The following KCNIP4 variants were observed in gnomAD, a reference collection of about 807,000 sequenced individuals.
The protein encoded by KCNIP4 is Kv channel-interacting protein 4.
Under a neutral mutation model 34.0 loss-of-function variants are expected in KCNIP4, and 12 were observed. The ratio of observed to expected loss-of-function variants is 0.35; its 90% CI spans 0.23 to 0.57. KCNIP4 has a LOEUF of 0.57. Among genes scored for constraint, KCNIP4 ranks in the 20% least tolerant of loss-of-function variants. KCNIP4 has a pLI of 0.83. For synonymous variants in KCNIP4, 124 were observed against 102.2 expected (o/e 1.21, Z -1.29); for missense variants, 238 against 311.7 (o/e 0.76, Z 1.78).
Position 20,850,787 on chromosome 4 carries a change from G to A in KCNIP4, c.164-120C>T, listed in dbSNP as rs79287487. 6.2e-3 allele frequency: 7,466 copies of A among 1,195,364 alleles called. 503 individuals carry two copies. The East Asian group carries it at 0.15, about 25-fold the overall frequency. The allele number at this position is 1,195,364 out of a possible 1,614,324, so 74.0% of individuals were successfully genotyped here. On this transcript the variant is annotated intron_variant, in intron 2 of 8. Coordinates refer to ENST00000382152, the MANE Select transcript of KCNIP4 (RefSeq NM_025221.6). Reference sequence around the variant, plus strand: ...ATGTCTGTGACTGTCCACAGAGGAAGGACCCTCACAATGCCTATAAGGCCT... The same window carrying A: ...ATGTCTGTGACTGTCCACAGAGGAAAGACCCTCACAATGCCTATAAGGCCT...
At chr4:21,184,602 C>T (rs1358480924) in intron 1 of KCNIP4, among the ~76,000 whole-genome samples, 3 of 152,264 alleles carry the variant, frequency 2.0e-5, no homozygotes, top group South Asian at 4.1e-4. Flanking sequence ...ATAGGTTTGG[C>T]ACTTTTGTGT....
intron 1 of KCNIP4, among the ~76,000 whole-genome samples, chr4:21,421,186 G>A (rs1725422922): frequency 6.6e-6 from 1 of 152,128 alleles, no homozygotes; most frequent in Admixed American, 6.5e-5. Flanking sequence ...CACTGTTGGT[G>A]GGAATGTAAA....
chr4:21,425,649 A>G (rs1322121467), intron 1 of KCNIP4, among the ~76,000 whole-genome samples: 1 of 152,196 alleles, frequency 6.6e-6, no homozygotes, highest in Non-Finnish European at 1.5e-5. Flanking sequence ...AACCTTTACT[A>G]TAATTCTTTC....
intron 1 of KCNIP4, among the ~76,000 whole-genome samples, chr4:21,774,148 C>T (rs895019520): frequency 2.0e-5 from 3 of 152,052 alleles, no homozygotes; most frequent in Non-Finnish European, 2.9e-5. Context: ...TAAAATCCCT[C>T]AGCATTTGCT....
At chr4:20,905,126 G>A (rs1367476327) in intron 1 of KCNIP4, among the ~76,000 whole-genome samples, 1 of 152,164 alleles carries the variant, frequency 6.6e-6, no homozygotes, top group Non-Finnish European at 1.5e-5. Context: ...CCACAGACCA[G>A]GTGGCTTAAA....
chr4:21,822,789 C>A (rs1289498715), intron 1 of KCNIP4, among the ~76,000 whole-genome samples: 2 of 147,406 alleles, frequency 1.4e-5, no homozygotes, highest in African/African-American at 2.5e-5. Flanking sequence ...GCAATCTTGG[C>A]TCACTGCAAC....
intron 1 of KCNIP4, among the ~76,000 whole-genome samples, chr4:21,867,836 G>A (rs980736796): frequency 1.3e-5 from 2 of 152,136 alleles, no homozygotes; most frequent in Admixed American, 1.3e-4. Context: ...TTTCATCACA[G>A]TGAGCCAATA....
chr4:20,803,542 A>G (rs1714636946), intron 3 of KCNIP4, among the ~76,000 whole-genome samples: 1 of 147,144 alleles, frequency 6.8e-6, no homozygotes, highest in Non-Finnish European at 1.5e-5. Flanking sequence ...CTGTAGTCCC[A>G]GCTACTTGGG....
intron 1 of KCNIP4, among the ~76,000 whole-genome samples, chr4:21,293,045 T>C (rs1560261387): frequency 6.6e-6 from 1 of 152,210 alleles, no homozygotes; most frequent in Admixed American, 6.5e-5. Context: ...TTTAGGGTGA[T>C]ACTCGACATC....
chr4:21,006,459 T>C (rs62293769), intron 1 of KCNIP4, among the ~76,000 whole-genome samples: 9,407 of 152,272 alleles, frequency 0.062, 375 homozygotes, highest in East Asian at 0.18. Flanking sequence ...AGAAACTTGC[T>C]TTTGACCAAC....
chr4:21,722,540 C>T (rs1466787164), intron 1 of KCNIP4, among the ~76,000 whole-genome samples: 1 of 149,388 alleles, frequency 6.7e-6, no homozygotes, highest in Non-Finnish European at 1.5e-5. Context: ...TTTTCCTCAG[C>T]CAAAAGTTTT....
Position 21,263,937 on chromosome 4 carries a change from G to A in KCNIP4, c.62-381228C>T, listed in dbSNP as rs139492381. On this transcript the variant is annotated intron_variant, in intron 1 of 8. Coordinates refer to ENST00000382152, the MANE Select transcript of KCNIP4 (RefSeq NM_025221.6). The stretch of plus-strand genomic sequence containing the variant: ...CCCAAAGTGCTGGGATTACAGGTGT[G>A]AGCCACCATGCCCAGCCCAATATAT... Among the ~76,000 whole-genome samples, 27 of 152,208 alleles carry A rather than the reference G, an allele frequency of 1.8e-4. No individual in the cohort carries two copies. In the East Asian group the frequency reaches 4.6e-3, roughly 26 times the overall value.
At chr4:20,759,336 C>T (rs1754754234) in intron 3 of KCNIP4, among the ~76,000 whole-genome samples, 1 of 152,162 alleles carries the variant, frequency 6.6e-6, no homozygotes, top group South Asian at 2.1e-4. Context: ...TCTAGTGGCT[C>T]AAGAAGCTTC....
At chr4:21,387,590 G>A (rs141237049) in intron 1 of KCNIP4, among the ~76,000 whole-genome samples, 97 of 152,122 alleles carry the variant, frequency 6.4e-4, no homozygotes, top group Middle Eastern at 3.4e-3. Context: ...GAAAAACAAC[G>A]CACACTATTA....
At chr4:20,861,684 G>A (rs1299232233) in intron 2 of KCNIP4, among the ~76,000 whole-genome samples, 1 of 152,072 alleles carries the variant, frequency 6.6e-6, no homozygotes, top group East Asian at 1.9e-4. Context: ...TTCTGTTACA[G>A]GTACTTGTTG....
intron 1 of KCNIP4, among the ~76,000 whole-genome samples, chr4:21,409,061 A>G (rs1724246199): frequency 6.6e-6 from 1 of 151,342 alleles, no homozygotes; most frequent in African/African-American, 2.4e-5. Context: ...TAAAAAAGGA[A>G]CACATTTAGT....
intron 1 of KCNIP4, among the ~76,000 whole-genome samples, chr4:21,772,430 T>C (rs1473048860): frequency 6.6e-6 from 1 of 152,192 alleles, no homozygotes; most frequent in Non-Finnish European, 1.5e-5. Flanking sequence ...AGGATGATGC[T>C]GGCTTCATAT....
chr4:21,004,537 CA>C (rs199743595), intron 1 of KCNIP4, among the ~76,000 whole-genome samples: 2,807 of 152,254 alleles, frequency 0.018, 37 homozygotes, highest in Middle Eastern at 0.048. Context: ...CTCCCCAAGG[CA>C]AAAGAGTAAC....
intron 1 of KCNIP4, among the ~76,000 whole-genome samples, chr4:21,859,156 TC>T (rs952459378): frequency 6.6e-6 from 1 of 152,148 alleles, no homozygotes; most frequent in East Asian, 1.9e-4. Flanking sequence ...TAAACAATCT[TC>T]CAGCAACTTG....
Sources: allele counts gnomAD v4.1 joint callset (sites outside exome capture counted in the v4.1 genomes callset), GRCh38; gene constraint gnomAD v4.1.1; transcripts MANE v1.5; gene names NCBI Gene and HGNC (gene_info 2026-07-23, HGNC 2026-07-21).